Variants in FBN3 observed in about 807,000 individuals in gnomAD.
FBN3 encodes the protein fibrillin-3.
A neutral mutation model predicts 330.1 loss-of-function variants in FBN3; 234 were observed. The observed-to-expected ratio is 0.71, with a 90% CI of 0.64 to 0.79. The LOEUF (loss-of-function observed/expected upper bound fraction) is 0.79, where lower values mean the gene tolerates loss of function less well. Among genes scored for constraint, FBN3 ranks in the 30% least tolerant of loss-of-function variants. The probability of loss-of-function intolerance (pLI) is 0.00; values close to 1 mark genes in which losing one functional copy is unlikely to be tolerated. For missense variants in FBN3, 3,606 were observed against 3,886.9 expected (o/e 0.93, Z 1.92); for synonymous variants, 1,458 against 1,517.3 (o/e 0.96, Z 0.91).
chr19:8,070,370 G>C (rs897707222), intron 63 of FBN3, among the ~76,000 whole-genome samples: 3 of 152,142 alleles, frequency 2.0e-5, no homozygotes, highest in African/African-American at 7.2e-5. Flanking sequence ...TCAGCCTCAC[G>C]AGGGCAGGTG....
chr19:8,101,947 T>G (rs1354860646), intron 40 of FBN3, among the ~76,000 whole-genome samples: 5 of 152,248 alleles, frequency 3.3e-5, no homozygotes, highest in Non-Finnish European at 5.9e-5. Flanking sequence ...CAACTTGAAC[T>G]GTAGCTCCCA....
chr19:8,132,017 C>T (rs961762338), intron 14 of FBN3, among the ~76,000 whole-genome samples, 188 bp from the exon 15 acceptor site: 1 of 152,124 alleles, frequency 6.6e-6, no homozygotes, highest in Non-Finnish European at 1.5e-5. Context: ...CTTCTCCTCT[C>T]CCATTATTCC....
chr19:8,078,723 T>C (rs1028209396), intron 59 of FBN3, among the ~76,000 whole-genome samples: 1 of 151,844 alleles, frequency 6.6e-6, no homozygotes, highest in Non-Finnish European at 1.5e-5. Context: ...CCACAGACTT[T>C]AATGTTGCAG....
At chr19:8,092,388 A>G (rs1054422985) in intron 47 of FBN3, among the ~76,000 whole-genome samples, 3 of 152,024 alleles carry the variant, frequency 2.0e-5, no homozygotes, top group Non-Finnish European at 4.4e-5. Context: ...AAAATGTGGT[A>G]TATAATACAC....
chr19:8,126,638 T>G (rs1390089327), intron 19 of FBN3, 33 bp from the exon 20 acceptor site: 1 of 1,601,896 alleles, frequency 6.2e-7, no homozygotes, highest in African/African-American at 1.3e-5. Flanking sequence ...CTGTCTCACC[T>G]GCCGGCCCTA....
intron 22 of FBN3, among the ~76,000 whole-genome samples, chr19:8,125,005 C>T (rs11668988): frequency 2.0e-5 from 3 of 152,330 alleles, no homozygotes; most frequent in Non-Finnish European, 2.9e-5. Flanking sequence ...TTTCATCCAT[C>T]GTAACAAATG....
At chr19:8,115,484 C>T (rs756550429) in intron 30 of FBN3, 31 bp downstream of exon 30, 19 of 1,610,798 alleles carry the variant, frequency 1.2e-5, no homozygotes, top group African/African-American at 6.7e-5. Flanking sequence ...CGGGGAGTCC[C>T]CTCTGCCTGC....
rs778045200 is a variant in FBN3 at position 8,089,661 on chromosome 19, T to C, written c.6260A>G (p.Glu2087Gly). ...GCAGACGCCAGGGTTCTCTGCACAC[T>C]CATTCACGTCTGCGGATGGCAGGCG... is the stretch of plus-strand genomic sequence containing the variant. ...GPDDSREDVNECAENPGVCTN... is the reference protein window; with the variant it reads ...GPDDSREDVNGCAENPGVCTN... The change falls in exon 51 of 64, where the codon GAG (glutamate) becomes GGG (glycine). Residue 2087 changes from glutamate to glycine, a missense_variant. By Grantham distance (98) the Glu-to-Gly change is moderately conservative. Coordinates refer to ENST00000600128, the MANE Select transcript of FBN3 (RefSeq NM_032447.5). The C allele has an allele frequency of 1.2e-6, 2 of 1,614,148 alleles. No homozygotes were observed. The highest frequency in any genetic ancestry group is 3.3e-5 in the Admixed American group (2 of 60,012).
intron 13 of FBN3, 25 bp downstream of exon 13, chr19:8,135,936 G>GGGGGGGGGGGGGCGCC: frequency 3.0e-6 from 2 of 668,776 alleles, no homozygotes; most frequent in East Asian, 3.9e-5. Context: ...GGAAGCCCCT[G>GGGGGGGGGGGGGCGCC]CCCACCCGCC....
rs1418988380 is a variant in FBN3, at chr19:8,111,668, C to T, written c.4064G>A (p.Gly1355Glu). The T allele has an allele frequency of 2.7e-5, 44 of 1,611,006 alleles. No homozygotes were observed. Among genetic ancestry groups the T allele is most frequent in the Non-Finnish European group, 3.7e-5 (44 of 1,178,126 alleles). ...YRCTCRQGFA[G>E]DGFFCEDRDE... ...CTCACCTTCGCAGAAGAAGCCATCC[C>T]CGGCAAAGCCCTGGCGGCAGGTGCA... is the stretch of plus-strand genomic sequence containing the variant. Residue 1355 changes from glycine (G) to glutamate (E), a missense_variant, in exon 32 of 64, where the codon GGG becomes GAG. By Grantham distance (98) the Gly-to-Glu change is moderately conservative (BLOSUM62 -2). Transcript: ENST00000600128.
chr19:8,109,690 CTGCCGGGGG>C lies in FBN3; in HGVS notation c.4388_4396del (p.Thr1463_Gly1465del). On this transcript the variant is annotated inframe_deletion, in exon 35 of 64. Coordinates refer to ENST00000600128, the MANE Select transcript of FBN3 (RefSeq NM_032447.5). This position sits in a 1 kb window ranked among gnomAD's most constrained non-coding sequence, Gnocchi z 5.2. ...ATCCTGGGGGCAGCTGCAGAGGTAG[CTGCCGGGGG>C]TGTTAATGCACACGCCGTTGATGCA... 1 of 1,564,314 alleles carries C rather than the reference CTGCCGGGGG, an allele frequency of 6.4e-7. No homozygotes were observed. Among genetic ancestry groups the C allele is most frequent in the East Asian group, 2.2e-5 (1 of 44,500 alleles).
intron 1 of FBN3, among the ~76,000 whole-genome samples, chr19:8,148,488 G>T (rs1250369546): frequency 3.3e-5 from 5 of 152,216 alleles, no homozygotes; most frequent in Non-Finnish European, 7.3e-5. Context: ...AGAAGAAGGA[G>T]GGGAAGAAGA....
intron 61 of FBN3, among the ~76,000 whole-genome samples, chr19:8,074,145 A>G (rs569667429): frequency 2.2e-4 from 33 of 152,244 alleles, no homozygotes; most frequent in Admixed American, 6.5e-4. Flanking sequence ...CTCAGGGCCT[A>G]GTGAAAGGCA....
intron 42 of FBN3, 80 bp downstream of exon 42, chr19:8,097,209 T>A: frequency 6.5e-7 from 1 of 1,536,646 alleles, no homozygotes; most frequent in Non-Finnish European, 8.8e-7. Context: ...TTACAGAGTT[T>A]TAGTTACTCG....
At chr19:8,115,294 G>T (rs891064921) in intron 30 of FBN3, among the ~76,000 whole-genome samples, 15 of 152,214 alleles carry the variant, frequency 9.9e-5, no homozygotes, top group Non-Finnish European at 2.2e-4. Context: ...TTTCAGAAAT[G>T]CTGCTGCAGA....
chr19:8,112,037 G>T lies in FBN3; in HGVS notation c.3901C>A (p.Pro1301Thr), dbSNP rs150945472. The change falls in exon 31 of 64, where the codon CCG (proline) becomes ACG (threonine). Residue 1301 changes from proline (P) to threonine (T), a missense_variant. Pro to Thr is a conservative substitution (Grantham distance 38). Transcript: ENST00000600128. ...AGGCACCTACAGCTGAAACTCCCCG[G>T]GATGTTGAGACAGGAGGCGTGACTG... Reference protein sequence around the residue: ...CDSHASCLNIPGSFSCRCLPG... With the variant: ...CDSHASCLNITGSFSCRCLPG... 131 of 1,612,408 alleles carry T rather than the reference G, an allele frequency of 8.1e-5. No individual in the cohort carries two copies. In the Middle Eastern group the frequency reaches 8.2e-4, roughly 10 times the overall value.
At position 8,111,084 on chromosome 19, in the gene FBN3, G is replaced by A; in HGVS notation, c.4184C>T (p.Pro1395Leu). ...CTGGCAGGCCCGGTGGTCCTCGGTG[G>A]GGTCAAAGCCCATCTCACATTCACA... is the stretch of plus-strand genomic sequence containing the variant. ...YRCECEMGFD[P>L]TEDHRACQDV... Residue 1395 changes from proline (P) to leucine (L), a missense_variant, in exon 33 of 64, where the codon CCC becomes CTC. Coordinates refer to ENST00000600128, the MANE Select transcript of FBN3 (RefSeq NM_032447.5). The A allele has an allele frequency of 1.2e-6, 2 of 1,613,424 alleles. No individual in the cohort carries two copies. The highest frequency in any genetic ancestry group is 1.1e-5 in the South Asian group (1 of 91,010).
intron 5 of FBN3, among the ~76,000 whole-genome samples, chr19:8,145,309 G>T (rs1568462633): frequency 2.7e-5 from 4 of 150,838 alleles, no homozygotes; most frequent in Admixed American, 6.7e-5. Context: ...GGGAGGCGGA[G>T]GTTGCAGTGA....
rs758092861 is a variant in FBN3, at chr19:8,087,122, G to C, written c.6709C>G (p.Pro2237Ala). The C allele has an allele frequency of 6.2e-7, 1 of 1,610,954 alleles. No homozygotes were observed. The highest frequency in any genetic ancestry group is 8.5e-7 in the Non-Finnish European group (1 of 1,179,566). ...CCAGGCAGGGGCCGCATGCCTGGGG[G>C]ACAGACGCACGCGAAGGTACCGATG... The part of the protein sequence containing the change: ...NLIGTFACVC[P>A]PGMRPLPGSG... The change falls in exon 54 of 64, where the codon CCC (proline) becomes GCC (alanine). Residue 2237 changes from proline to alanine, a missense_variant. Coordinates refer to ENST00000600128, the MANE Select transcript of FBN3 (RefSeq NM_032447.5).
Sources: gnomAD v4.1 joint callset for allele counts (sites outside exome capture counted in the v4.1 genomes callset) on GRCh38, gnomAD v4.1.1 for gene constraint, Gnocchi (gnomAD v3.1) non-coding constraint, MANE v1.5 for transcripts, NCBI Gene and HGNC (gene_info 2026-07-23, HGNC 2026-07-21) for gene names.